The following MAP3K3 variants were observed in gnomAD, a reference collection of about 807,000 sequenced individuals.
MAP3K3 encodes mitogen-activated protein kinase kinase kinase 3.
A neutral mutation model predicts 80.9 loss-of-function variants in MAP3K3; 12 were observed. That is an observed-to-expected ratio of 0.15 (90% CI 0.10 to 0.24). The LOEUF (loss-of-function observed/expected upper bound fraction) is 0.24. MAP3K3 is among the 10% of genes least tolerant of loss of function. The probability of loss-of-function intolerance (pLI) is 1.00; values close to 1 mark genes in which losing one functional copy is unlikely to be tolerated. For synonymous variants in MAP3K3, 272 were observed against 307.1 expected (o/e 0.89, Z 1.19); for missense variants, 596 against 834.7 (o/e 0.71, Z 3.52).
chr17:63,675,859 TCTGTGCTTTGGG>T (rs2035208760), intron 6 of MAP3K3, among the ~76,000 whole-genome samples: 1 of 152,232 alleles, frequency 6.6e-6, no homozygotes, highest in South Asian at 2.1e-4. Flanking sequence ...TTTGCATAGC[TCTGTGCTTTGGG>T]CTGTCTGGCT....
At chr17:63,690,845 C>A in intron 12 of MAP3K3, 2 of 525,122 alleles carry the variant, frequency 3.8e-6, no homozygotes, top group South Asian at 2.4e-5. Flanking sequence ...TGTGGACAAA[C>A]AGCAGTTACC....
chr17:63,654,333 T>TTTTTTTTTTTTTTTTTTTGAGAC (rs1299210909), intron 4 of MAP3K3, among the ~76,000 whole-genome samples: 2 of 150,436 alleles, frequency 1.3e-5, no homozygotes, highest in African/African-American at 2.5e-5. Context: ...TGACCTTTTT[T>TTTTTTTTTTTTTTTTTTTGAGAC]GTCTGGCTTC....
Position 63,692,762 on chromosome 17 carries a change from A to G in MAP3K3, c.1652+343A>G, listed in dbSNP as rs756069726. ...TCTCCTAGCACTCAAGACAGTTTGC[A>G]CTTGCTCGACATAACCTTGTGTCTA... is the stretch of plus-strand genomic sequence containing the variant. On this transcript the variant is annotated intron_variant, in intron 15 of 15. Coordinates refer to ENST00000361733, the MANE Select transcript of MAP3K3 (RefSeq NM_002401.5). The surrounding 1 kb of genome is among the most constrained non-coding windows in gnomAD (Gnocchi z 4.5). Among the ~76,000 whole-genome samples the G allele has an allele frequency of 1.1e-4, 16 of 152,204 alleles. No individual in the cohort carries two copies.
intron 12 of MAP3K3, 194 bp from the exon 13 acceptor site, chr17:63,690,908 T>A: frequency 3.2e-6 from 2 of 619,982 alleles, no homozygotes; most frequent in East Asian, 2.8e-5. Context: ...CTTCCACCCA[T>A]GGGAGTGCCA....
At chr17:63,655,217 C>T (rs962217596) in intron 4 of MAP3K3, among the ~76,000 whole-genome samples, 3 of 151,962 alleles carry the variant, frequency 2.0e-5, no homozygotes, top group Non-Finnish European at 4.4e-5. Context: ...GAAAAAGCCT[C>T]CTATAAAACC....
chr17:63,683,475 T>C (rs961254149), intron 7 of MAP3K3, among the ~76,000 whole-genome samples: 1 of 152,208 alleles, frequency 6.6e-6, no homozygotes, highest in Non-Finnish European at 1.5e-5. Flanking sequence ...GCCATGGTCC[T>C]ATACTCTGCC....
At chr17:63,624,665 A>T (rs2034064866) in intron 1 of MAP3K3, among the ~76,000 whole-genome samples, 1 of 152,248 alleles carries the variant, frequency 6.6e-6, no homozygotes. Context: ...ACGTGAAGAC[A>T]CATGTAAAAG....
rs1297616586 is a variant in MAP3K3, at chr17:63,689,288, T to G, written c.872-256T>G. On this transcript the variant is annotated intron_variant, in intron 10 of 15. Transcript: ENST00000361733. The surrounding 1 kb of genome is among the most constrained non-coding windows in gnomAD (Gnocchi z 4.3). ...GCCATACACCTTCCCTTTGGCCAGATCTCCCTGAACCAGACTACTTCCTAA... is the reference window on the plus strand; with the variant it reads ...GCCATACACCTTCCCTTTGGCCAGAGCTCCCTGAACCAGACTACTTCCTAA... 1 of 548,812 alleles carries G rather than the reference T, an allele frequency of 1.8e-6. No homozygotes were observed. The highest frequency in any genetic ancestry group is 3.2e-6 in the Non-Finnish European group (1 of 308,224). 34.0% of individuals were successfully genotyped at this position (548,812 alleles called of 1,614,324 possible).
At chr17:63,653,386 A>G (rs945631576) in intron 4 of MAP3K3, among the ~76,000 whole-genome samples, 3 of 152,246 alleles carry the variant, frequency 2.0e-5, no homozygotes, top group Non-Finnish European at 4.4e-5. Flanking sequence ...GCTGGGCAAC[A>G]TCATGACCCT....
chr17:63,659,080 C>G (rs2034831723), intron 5 of MAP3K3, among the ~76,000 whole-genome samples: 1 of 152,052 alleles, frequency 6.6e-6, no homozygotes, highest in African/African-American at 2.4e-5. Flanking sequence ...CTGTGTTGCC[C>G]AGGCTGGTCT....
intron 2 of MAP3K3, among the ~76,000 whole-genome samples, chr17:63,644,763 G>A (rs187630573): frequency 6.6e-6 from 1 of 152,162 alleles, no homozygotes; most frequent in Non-Finnish European, 1.5e-5. Flanking sequence ...CTTTTCTGTT[G>A]TCTGTTTGCT....
chr17:63,673,974 G>A (rs2035164089), intron 6 of MAP3K3, among the ~76,000 whole-genome samples: 1 of 151,970 alleles, frequency 6.6e-6, no homozygotes, highest in Non-Finnish European at 1.5e-5. Flanking sequence ...CAGCTACTTG[G>A]GAGGCTGAGG....
intron 4 of MAP3K3, among the ~76,000 whole-genome samples, chr17:63,657,548 G>A (rs1220033956): frequency 6.6e-6 from 1 of 152,058 alleles, no homozygotes; most frequent in East Asian, 1.9e-4. Context: ...TTCTGGAAAT[G>A]TTTTAAAATT....
chr17:63,645,742 G>A (rs2143290952), intron 2 of MAP3K3, among the ~76,000 whole-genome samples: 1 of 151,568 alleles, frequency 6.6e-6, no homozygotes, highest in Middle Eastern at 3.4e-3. Flanking sequence ...AGAGCCAATT[G>A]TAGAAATAGG....
chr17:63,671,114 A>G (rs1343409404), intron 6 of MAP3K3, among the ~76,000 whole-genome samples: 1 of 152,086 alleles, frequency 6.6e-6, no homozygotes, highest in Non-Finnish European at 1.5e-5. Flanking sequence ...TAGGCTGATG[A>G]AGTGGAGAGA....
chr17:63,638,970 G>C (rs2143234954), intron 2 of MAP3K3, among the ~76,000 whole-genome samples: 1 of 152,122 alleles, frequency 6.6e-6, no homozygotes, highest in African/African-American at 2.4e-5. Flanking sequence ...AGGTTGTAGT[G>C]AGCCGAGATC....
chr17:63,624,437 T>C (rs1485945498), intron 1 of MAP3K3, among the ~76,000 whole-genome samples: 1 of 152,214 alleles, frequency 6.6e-6, no homozygotes, highest in African/African-American at 2.4e-5. Context: ...TGCCCACATG[T>C]GTTGACTACA....
At position 63,665,355 on chromosome 17, in the gene MAP3K3, C is replaced by T. The variant is rs187623060; in HGVS notation, c.382-1585C>T. On this transcript the variant is annotated intron_variant, in intron 5 of 15. Transcript: ENST00000361733. Reference sequence around the variant, plus strand: ...TAATTTTTTGTATTTTTATTAGAGACGGGGTTCCACTGTGCTAGCCAGGAT... The same window carrying T: ...TAATTTTTTGTATTTTTATTAGAGATGGGGTTCCACTGTGCTAGCCAGGAT... Among the ~76,000 whole-genome samples the T allele has an allele frequency of 1.2e-4, 18 of 151,998 alleles. No individual in the cohort carries two copies. In the East Asian group the frequency reaches 3.2e-3, roughly 27 times the overall value.
intron 2 of MAP3K3, chr17:63,637,008 G>T: frequency 1.6e-6 from 1 of 611,848 alleles, no homozygotes; most frequent in South Asian, 1.5e-5. Flanking sequence ...CAGATTCAGT[G>T]TGTGGTGGGG....
Sources: allele counts gnomAD v4.1 joint callset (sites outside exome capture counted in the v4.1 genomes callset), GRCh38; gene constraint gnomAD v4.1.1; non-coding constraint Gnocchi (gnomAD v3.1); transcripts MANE v1.5; gene names NCBI Gene and HGNC (gene_info 2026-07-23, HGNC 2026-07-21).